CLNK: variants seen among roughly 807,000 people sequenced by gnomAD.
The protein encoded by CLNK is cytokine-dependent hematopoietic cell linker.
In CLNK, 74 loss-of-function variants were observed where a neutral mutation model predicts 68.6. The ratio of observed to expected loss-of-function variants is 1.08; its 90% confidence interval spans 0.89 to 1.31. The LOEUF is 1.31. Ranked by LOEUF, CLNK falls within the 50% of genes most tolerant of loss-of-function variation. CLNK has a pLI of 0.00. For missense variants in CLNK, 553 were observed against 515.3 expected (o/e 1.07, Z -0.71); for synonymous variants, 198 against 172.2 (o/e 1.15, Z -1.17).
At chr4:10,560,659 G>A (rs533346612) in intron 7 of CLNK, among the ~76,000 whole-genome samples, 1 of 152,022 alleles carries the variant, frequency 6.6e-6, no homozygotes, top group East Asian at 2.0e-4. Context: ...ACCCAGGCTG[G>A]TCTTGAACTC....
At chr4:10,553,059 G>GC (rs374047881) in intron 8 of CLNK, among the ~76,000 whole-genome samples, 1 of 151,856 alleles carries the variant, frequency 6.6e-6, no homozygotes, top group Non-Finnish European at 1.5e-5. Context: ...GGAGGGGGGG[G>GC]CATGCAGGGG....
At chr4:10,525,748 G>A (rs1296309528) in intron 14 of CLNK, 93 bp downstream of exon 14, 38 of 708,876 alleles carry the variant, frequency 5.4e-5, no homozygotes, top group East Asian at 8.4e-5. Flanking sequence ...AAAGACTTTC[G>A]TTTCTCAGAA....
chr4:10,583,683 C>T (rs997360200), intron 4 of CLNK, among the ~76,000 whole-genome samples: 5 of 151,944 alleles, frequency 3.3e-5, no homozygotes, highest in Non-Finnish European at 5.9e-5. Flanking sequence ...CAGGCCTGGG[C>T]GACTTTATAT....
At chr4:10,711,581 C>A in the CLNK span, among the ~76,000 whole-genome samples, 3 of 140,192 alleles carry the variant, frequency 2.1e-5, no homozygotes, top group Non-Finnish European at 4.6e-5. Flanking sequence ...TGGAAAGATA[C>A]TTTTATTCTC....
intron 12 of CLNK, among the ~76,000 whole-genome samples, chr4:10,528,687 A>G (rs930440417): frequency 6.6e-6 from 1 of 152,166 alleles, no homozygotes; most frequent in Admixed American, 6.5e-5. Context: ...CCCATGATAT[A>G]TTTTTATGCA....
chr4:10,619,654 T>C (rs1722355763), intron 2 of CLNK, among the ~76,000 whole-genome samples: 2 of 152,092 alleles, frequency 1.3e-5, no homozygotes, highest in African/African-American at 4.8e-5. Flanking sequence ...GGACATTCAG[T>C]AAATGAATGG....
At chr4:10,605,148 G>A (rs774803520) in intron 2 of CLNK, among the ~76,000 whole-genome samples, 2 of 152,070 alleles carry the variant, frequency 1.3e-5, no homozygotes, top group African/African-American at 2.4e-5. Context: ...CGGATCTCTC[G>A]CCTGCCAGCC....
intron 2 of CLNK, among the ~76,000 whole-genome samples, chr4:10,608,132 G>T (rs1721857488): frequency 6.6e-6 from 1 of 152,112 alleles, no homozygotes; most frequent in Non-Finnish European, 1.5e-5. Context: ...CTTTCTCCCG[G>T]ACCCCTGCAA....
chr4:10,537,467 G>T (rs182692752), intron 11 of CLNK, among the ~76,000 whole-genome samples: 80 of 152,152 alleles, frequency 5.3e-4, no homozygotes, highest in African/African-American at 1.9e-3. Context: ...AATAGAGCGA[G>T]ATTCCATCTC....
In CLNK at chr4:10,564,690, G is replaced by A. The variant is rs757915752; in HGVS notation, c.380C>T (p.Thr127Ile). The A allele has an allele frequency of 2.5e-6, 4 of 1,612,270 alleles. No individual in the cohort carries two copies. In the South Asian group the frequency reaches 3.3e-5, roughly 13 times the overall value. The change falls in exon 7 of 19, where the codon ACA (threonine) becomes ATA (isoleucine). Residue 127 changes from threonine (T) to isoleucine (I), a missense_variant. Transcript: ENST00000226951. ...SISIGQPTWNTQTRLERVDKP... is the reference protein window; with the variant it reads ...SISIGQPTWNIQTRLERVDKP... ...ACTCACTCTTTCCAACCTCGTCTGTGTGTTCCAGGTCGGCTGTCCAATGGA... is the reference window on the plus strand; with the variant it reads ...ACTCACTCTTTCCAACCTCGTCTGTATGTTCCAGGTCGGCTGTCCAATGGA...
chr4:10,488,691 A>G lies in CLNK; in HGVS notation c.*1776T>C, dbSNP rs1716443316. On this transcript the variant is annotated 3_prime_UTR_variant, in exon 19 of 19. Coordinates refer to ENST00000226951, the MANE Select transcript of CLNK (RefSeq NM_052964.4). Reference sequence around the variant, plus strand: ...GCTCCTGATGTAACTTATAGGCATCACTTCACATTGACCTTGTGAAAGGAG... The same window carrying G: ...GCTCCTGATGTAACTTATAGGCATCGCTTCACATTGACCTTGTGAAAGGAG... 6.6e-6 allele frequency: 1 copy of G among 152,244 alleles called. No homozygotes were observed. Among genetic ancestry groups the G allele is most frequent in the Non-Finnish European group, 1.5e-5 (1 of 68,036 alleles). 9.4% of individuals were successfully genotyped at this position (152,244 alleles called of 1,614,324 possible). A position where few individuals can be genotyped will look rare whatever the true frequency, so the allele number is the denominator to read the frequency against.
upstream of CLNK, among the ~76,000 whole-genome samples, chr4:10,686,910 T>C (rs928174741): frequency 6.6e-6 from 1 of 152,176 alleles, no homozygotes; most frequent in Non-Finnish European, 1.5e-5. Flanking sequence ...AAAGCTTTTT[T>C]TCTTGGAATA....
At chr4:10,678,839 A>G (rs1440877662) in intron 1 of CLNK, among the ~76,000 whole-genome samples, 3 of 152,210 alleles carry the variant, frequency 2.0e-5, no homozygotes, top group Non-Finnish European at 4.4e-5. Flanking sequence ...GAGAACTACA[A>G]ACCACTGCTC....
the CLNK span, among the ~76,000 whole-genome samples, chr4:10,724,170 A>G: frequency 2.6e-5 from 4 of 152,198 alleles, no homozygotes; most frequent in Admixed American, 2.0e-4. Flanking sequence ...CATATTTAAC[A>G]TTATACAAAT....
At chr4:10,527,741 G>A (rs2109055306) in intron 13 of CLNK, among the ~76,000 whole-genome samples, 1 of 152,268 alleles carries the variant, frequency 6.6e-6, no homozygotes, top group South Asian at 2.1e-4. Context: ...GACATCAGAG[G>A]CAGAGATCCC....
At chr4:10,622,249 C>T (rs898228095) in intron 2 of CLNK, among the ~76,000 whole-genome samples, 2 of 152,112 alleles carry the variant, frequency 1.3e-5, no homozygotes, top group African/African-American at 4.8e-5. Flanking sequence ...TCCCATTATA[C>T]TGATGGAGAA....
rs138260458 is a variant in CLNK, at chr4:10,550,790, G to C, written c.445+7617C>G. 2.6e-5 allele frequency among the ~76,000 whole-genome samples: 4 copies of C among 152,124 alleles called. No homozygotes were observed. The East Asian group carries it at 7.7e-4, about 29-fold the overall frequency. ...ACAATATTTTTTCTTTCCTTTTCAA[G>C]TTGAGAACTTCCACCTTTTCACTTA... is the stretch of plus-strand genomic sequence containing the variant. On this transcript the variant is annotated intron_variant, in intron 8 of 18. Coordinates refer to ENST00000226951, the MANE Select transcript of CLNK (RefSeq NM_052964.4).
chr4:10,499,157 C>G (rs1716930930), intron 18 of CLNK, among the ~76,000 whole-genome samples: 2 of 152,076 alleles, frequency 1.3e-5, no homozygotes, highest in Non-Finnish European at 2.9e-5. Context: ...TTTTATATGC[C>G]TACTTTATCT....
At chr4:10,621,238 A>G (rs1366039883) in intron 2 of CLNK, among the ~76,000 whole-genome samples, 2 of 152,172 alleles carry the variant, frequency 1.3e-5, no homozygotes, top group African/African-American at 4.8e-5. Context: ...ACGCGATAGA[A>G]GTGTCTTCCT....
Sources: allele counts gnomAD v4.1 joint callset (sites outside exome capture counted in the v4.1 genomes callset), GRCh38; gene constraint gnomAD v4.1.1; transcripts MANE v1.5; gene names NCBI Gene and HGNC (gene_info 2026-07-23, HGNC 2026-07-21).